The following XRCC4 variants were observed in gnomAD, a reference collection of about 807,000 sequenced individuals.
XRCC4 encodes the protein DNA repair protein XRCC4.
Under a neutral mutation model 39.1 loss-of-function variants are expected in XRCC4, and 28 were observed. The ratio of observed to expected loss-of-function variants is 0.72; its 90% CI spans 0.53 to 0.98. The LOEUF (loss-of-function observed/expected upper bound fraction) is 0.98. Ranked by LOEUF, XRCC4 falls within the 50% of genes least tolerant of loss-of-function variation. The probability of loss-of-function intolerance (pLI) is 0.00; values close to 1 mark genes in which losing one functional copy is unlikely to be tolerated. For synonymous variants in XRCC4, 123 were observed against 126.4 expected (o/e 0.97, Z 0.18); for missense variants, 350 against 376.4 (o/e 0.93, Z 0.58).
At chr5:83,162,956 T>C (rs112565447) in intron 3 of XRCC4, among the ~76,000 whole-genome samples, 5 of 93,082 alleles carry the variant, frequency 5.4e-5, no homozygotes, top group African/African-American at 2.1e-4. Flanking sequence ...TTCTTTCTTT[T>C]TTTTTTTTGA....
intron 7 of XRCC4, among the ~76,000 whole-genome samples, chr5:83,291,959 G>C (rs1306354325): frequency 7.1e-5 from 10 of 141,056 alleles, no homozygotes; most frequent in African/African-American, 3.1e-4. Context: ...TTCTGTGTGT[G>C]TGTGTGTGTG....
chr5:83,087,728 A>G (rs920367428), intron 1 of XRCC4, among the ~76,000 whole-genome samples: 5 of 152,136 alleles, frequency 3.3e-5, no homozygotes, highest in African/African-American at 1.2e-4. Flanking sequence ...AAGATGTCAT[A>G]CTAAAATACA....
rs70973394 is a variant in XRCC4, at chr5:83,344,415, CTTTTTT to C, written c.894-8698_894-8693del. 4.3e-3 allele frequency among the ~76,000 whole-genome samples: 494 copies of C among 115,220 alleles called. 7 individuals carry two copies. The East Asian group carries it at 0.081, about 19-fold the overall frequency. 75.6% of individuals were successfully genotyped at this position (115,220 alleles called of 152,430 possible). A position where few individuals can be genotyped will look rare whatever the true frequency, so the allele number is the denominator to read the frequency against. On this transcript the variant is annotated intron_variant, in intron 7 of 7. Coordinates refer to ENST00000396027, the MANE Select transcript of XRCC4 (RefSeq NM_003401.5). ...CCACACCCAGCTAATTTATTTTTCA[CTTTTTT>C]TTTTTTTTTTTTTTTTTGTAGAGAC... is the stretch of plus-strand genomic sequence containing the variant.
intron 6 of XRCC4, among the ~76,000 whole-genome samples, chr5:83,206,298 T>C (rs1470824335): frequency 2.0e-5 from 3 of 151,744 alleles, no homozygotes; most frequent in Non-Finnish European, 4.4e-5. Context: ...TAGACCAGAG[T>C]GATGGAGAGG....
At chr5:83,227,852 A>G (rs574595165) in intron 6 of XRCC4, among the ~76,000 whole-genome samples, 1 of 152,160 alleles carries the variant, frequency 6.6e-6, no homozygotes, top group South Asian at 2.1e-4. Context: ...GTTTATACAG[A>G]TTTCTTCTCA....
chr5:83,216,703 A>G (rs1018685617), intron 6 of XRCC4, among the ~76,000 whole-genome samples: 2 of 152,210 alleles, frequency 1.3e-5, no homozygotes, highest in Non-Finnish European at 2.9e-5. Flanking sequence ...AAGCAAAGGG[A>G]ACCAGATGCA....
At chr5:83,089,682 T>TCC (rs1745334102) in intron 1 of XRCC4, among the ~76,000 whole-genome samples, 1 of 152,104 alleles carries the variant, frequency 6.6e-6, no homozygotes, top group Non-Finnish European at 1.5e-5. Flanking sequence ...ACGAATAATT[T>TCC]TCTTATTAGG....
At chr5:83,345,034 A>G (rs1239130235) in intron 7 of XRCC4, among the ~76,000 whole-genome samples, 2 of 151,966 alleles carry the variant, frequency 1.3e-5, no homozygotes, top group Non-Finnish European at 1.5e-5. Context: ...CTTTACCTCC[A>G]TTGTTTCCTC....
chr5:83,223,419 T>TTA (rs1234701447), intron 6 of XRCC4, among the ~76,000 whole-genome samples: 4 of 152,104 alleles, frequency 2.6e-5, no homozygotes, highest in Non-Finnish European at 5.9e-5. Context: ...ATAACAATTG[T>TTA]TATATCCTCT....
At chr5:83,125,546 A>G (rs6452508) in intron 3 of XRCC4, among the ~76,000 whole-genome samples, 74,124 of 151,620 alleles carry the variant, frequency 0.49, 19,005 homozygotes, top group African/African-American at 0.63. Flanking sequence ...TCTCTCCATT[A>G]AATTGCTTTT....
chr5:83,361,516 G>T, the XRCC4 span, among the ~76,000 whole-genome samples: 3 of 152,018 alleles, frequency 2.0e-5, no homozygotes, highest in Non-Finnish European at 4.4e-5. Context: ...AACTTTCTGT[G>T]TGTAGCAGAA....
chr5:83,176,378 A>T (rs1749957870), intron 3 of XRCC4, among the ~76,000 whole-genome samples: 1 of 152,180 alleles, frequency 6.6e-6, no homozygotes, highest in Non-Finnish European at 1.5e-5. Flanking sequence ...TTGATGACAG[A>T]TGAAGGTGCC....
At chr5:83,244,526 C>A (rs1415852261) in intron 6 of XRCC4, among the ~76,000 whole-genome samples, 2 of 152,156 alleles carry the variant, frequency 1.3e-5, no homozygotes, top group African/African-American at 4.8e-5. Context: ...GGTCTTCAGC[C>A]TTGCTTTGTG....
At chr5:83,194,504 T>C (rs909854749) in intron 3 of XRCC4, among the ~76,000 whole-genome samples, 1 of 152,188 alleles carries the variant, frequency 6.6e-6, no homozygotes, top group Non-Finnish European at 1.5e-5. Context: ...AATAAAGATT[T>C]GTCTCAAAAT....
At chr5:83,266,527 C>A (rs1408038494) in intron 7 of XRCC4, among the ~76,000 whole-genome samples, 8 of 151,332 alleles carry the variant, frequency 5.3e-5, no homozygotes, top group Admixed American at 5.3e-4. Context: ...AAAAGATAAA[C>A]CTAAGAAATT....
chr5:83,247,258 G>A (rs960076158), intron 6 of XRCC4, among the ~76,000 whole-genome samples: 3 of 152,150 alleles, frequency 2.0e-5, no homozygotes, highest in African/African-American at 7.2e-5. Context: ...GTAAGATGAT[G>A]ATGCCTTCAT....
chr5:83,306,224 C>T (rs1580490300), intron 7 of XRCC4, among the ~76,000 whole-genome samples: 1 of 151,542 alleles, frequency 6.6e-6, no homozygotes, highest in African/African-American at 2.4e-5. Flanking sequence ...TATATATATA[C>T]ACACACACAA....
intron 3 of XRCC4, among the ~76,000 whole-genome samples, chr5:83,162,476 G>A (rs937266163): frequency 3.9e-5 from 6 of 152,074 alleles, no homozygotes; most frequent in Non-Finnish European, 8.8e-5. Flanking sequence ...GTGTAATAAT[G>A]GCTTATGGAG....
At position 83,242,680 on chromosome 5, in the gene XRCC4, T is replaced by TAA. The variant is rs572738053; in HGVS notation, c.746-15849_746-15848dup. The stretch of plus-strand genomic sequence containing the variant: ...TAACTCCAAATTTCTAATGTATATA[T>TAA]AATCAACACTTGCTACTTTAACCTC... On this transcript the variant is annotated intron_variant, in intron 6 of 7. Transcript: ENST00000396027. 1.3e-3 allele frequency among the ~76,000 whole-genome samples: 193 copies of TAA among 152,288 alleles called. 1 individual carries two copies. The highest frequency in any genetic ancestry group is 4.6e-3 in the African/African-American group (191 of 41,568).
Sources: gnomAD v4.1 joint callset for allele counts (sites outside exome capture counted in the v4.1 genomes callset) on GRCh38, gnomAD v4.1.1 for gene constraint, MANE v1.5 for transcripts, NCBI Gene and HGNC (gene_info 2026-07-23, HGNC 2026-07-21) for gene names.